The following GFRA1 variants were observed in gnomAD, a reference collection of about 807,000 sequenced individuals.
GFRA1 encodes the protein GDNF family receptor alpha 1.
GFRA1 carries 16 observed loss-of-function variants against 51.6 expected under a neutral mutation model. The ratio of observed to expected loss-of-function variants is 0.31; its 90% CI spans 0.21 to 0.47. The LOEUF is 0.47. Ranked by LOEUF, GFRA1 falls within the 20% of genes least tolerant of loss-of-function variation. The pLI is 1.00. For missense variants in GFRA1, 530 were observed against 594.3 expected, an observed-to-expected ratio of 0.89 and a Z score of 1.13; for synonymous variants, 270 against 241.3, an observed-to-expected ratio of 1.12 and a Z score of -1.10.
intron 5 of GFRA1, among the ~76,000 whole-genome samples, chr10:116,196,753 TTATA>T (rs1963899563): frequency 1.2e-5 from 1 of 84,742 alleles, no homozygotes; most frequent in African/African-American, 3.9e-5. Flanking sequence ...ATAATATATA[TTATA>T]TATTATATAT....
chr10:116,274,153 T>A (rs958539442), upstream of GFRA1, among the ~76,000 whole-genome samples: 1 of 151,722 alleles, frequency 6.6e-6, no homozygotes, highest in Non-Finnish European at 1.5e-5. Flanking sequence ...TTCCCAGTCG[T>A]GCTGCTCACC....
At chr10:116,143,524 C>T (rs906693478) in intron 5 of GFRA1, among the ~76,000 whole-genome samples, 7 of 152,138 alleles carry the variant, frequency 4.6e-5, no homozygotes, top group Non-Finnish European at 7.4e-5. Context: ...AGCCAAATTT[C>T]TGAAAGGGTC....
chr10:116,269,695 C>T, intron 3 of GFRA1, 109 bp from the exon 4 acceptor site: 9 of 734,262 alleles, frequency 1.2e-5, no homozygotes, highest in Non-Finnish European at 2.2e-5. Flanking sequence ...AACAAAAAGA[C>T]GCTGAAACTT....
chr10:116,216,828 A>G (rs1017293272), intron 4 of GFRA1, among the ~76,000 whole-genome samples: 2 of 152,198 alleles, frequency 1.3e-5, no homozygotes, highest in African/African-American at 4.8e-5. Flanking sequence ...CTAACTAACC[A>G]GGGACAAGGA....
At chr10:116,079,076 G>C (rs927938476) in intron 9 of GFRA1, among the ~76,000 whole-genome samples, 2 of 151,964 alleles carry the variant, frequency 1.3e-5, no homozygotes, top group Non-Finnish European at 2.9e-5. Context: ...ATCATCCAGC[G>C]CGCTGGATGC....
At chr10:116,224,896 G>T (rs531195323) in intron 4 of GFRA1, among the ~76,000 whole-genome samples, 1 of 152,288 alleles carries the variant, frequency 6.6e-6, no homozygotes, top group African/African-American at 2.4e-5. Flanking sequence ...GCCTCTCTGA[G>T]CCACAGCTAG....
chr10:116,089,706 G>T (rs1565566259), intron 9 of GFRA1, 35 bp downstream of exon 9: 2 of 1,583,596 alleles, frequency 1.3e-6, no homozygotes, highest in East Asian at 2.2e-5. Flanking sequence ...CACCAGGAAG[G>T]GAGCCCCAGC....
rs1377872545 is a variant in GFRA1, at chr10:116,196,605, ATAGTACT to A, written c.433+15019_433+15025del. Among the ~76,000 whole-genome samples the A allele has an allele frequency of 1.2e-3, 93 of 78,122 alleles. 4 individuals carry two copies. The highest frequency in any genetic ancestry group is 5.6e-3 in the Middle Eastern group (1 of 178). The allele number at this position is 78,122 out of a possible 152,430, so 51.3% of individuals were successfully genotyped here. On this transcript the variant is annotated intron_variant, in intron 5 of 10. Coordinates refer to ENST00000355422, the MANE Select transcript of GFRA1 (RefSeq NM_005264.8). ...ATATAGTACTATATATAATATATAT[ATAGTACT>A]ATATATAATATATATAATATATAGT...
intron 5 of GFRA1, among the ~76,000 whole-genome samples, chr10:116,181,026 TC>T (rs1962165007): frequency 6.6e-6 from 1 of 152,196 alleles, no homozygotes; most frequent in African/African-American, 2.4e-5. Flanking sequence ...ACAATGTTGT[TC>T]CTGGTAGAGA....
rs373298903 is a variant in GFRA1, at chr10:116,064,428, G to A, written c.1368C>T (p.Ser456=). The A allele has an allele frequency of 9.9e-6, 16 of 1,612,508 alleles. No homozygotes were observed. Among genetic ancestry groups the A allele is most frequent in the Non-Finnish European group, 1.4e-5 (16 of 1,179,692 alleles). ...ATGTTTCTGTTAAAGATAATAGGGT[G>A]GACAGAGCGGTTACCACCAGGACCA... ...PLLVLVVTAL[S]TLLSLTETS The change falls in exon 11 of 11, where the codon TCC becomes TCT. Residue 456 remains serine, a synonymous_variant. Transcript: ENST00000355422.
intron 6 of GFRA1, among the ~76,000 whole-genome samples, chr10:116,110,544 C>G (rs192929641): frequency 8.5e-5 from 13 of 152,280 alleles, no homozygotes; most frequent in Middle Eastern, 3.4e-3. Context: ...TTCTCTAAGC[C>G]TAGGAATACT....
chr10:116,084,848 C>G (rs888136317), intron 9 of GFRA1, among the ~76,000 whole-genome samples: 1 of 151,392 alleles, frequency 6.6e-6, no homozygotes, highest in Non-Finnish European at 1.5e-5. Flanking sequence ...CTTTTTCCAG[C>G]TACCAGACCA....
In GFRA1 at chr10:116,064,037, AATCATCATCATGATCATGATGATC is replaced by A. The variant is rs578018975; in HGVS notation, c.*337_*360del. ...GAAAGGCCAGAAGTAAAACTGTTAAAATCATCATCATGATCATGATGATCATCATCATGATCATGATGATCATCA... is the reference window on the plus strand; with the variant it reads ...GAAAGGCCAGAAGTAAAACTGTTAAAATCATCATGATCATGATGATCATCA... On this transcript the variant is annotated 3_prime_UTR_variant, in exon 11 of 11. Transcript: ENST00000355422. 6,088 of 207,146 alleles carry A rather than the reference AATCATCATCATGATCATGATGATC, an allele frequency of 0.029. 428 individuals are homozygous for A. Among genetic ancestry groups the A allele is most frequent in the African/African-American group, 0.13 (5,634 of 42,076 alleles). 12.8% of individuals were successfully genotyped at this position (207,146 alleles called of 1,614,324 possible). A position where few individuals can be genotyped will look rare whatever the true frequency, so the allele number is the denominator to read the frequency against.
intron 8 of GFRA1, among the ~76,000 whole-genome samples, chr10:116,093,060 A>G (rs1295955546): frequency 1.3e-5 from 2 of 152,102 alleles, no homozygotes; most frequent in Non-Finnish European, 2.9e-5. Flanking sequence ...GTAAGAACGG[A>G]TTCTGCTTTC....
At position 116,093,765 on chromosome 10, in the gene GFRA1, T is replaced by A; in HGVS notation, c.952A>T (p.Ser318Cys). 1 of 1,613,660 alleles carries A rather than the reference T, an allele frequency of 6.2e-7. No homozygotes were observed. The highest frequency in any genetic ancestry group is 8.5e-7 in the Non-Finnish European group (1 of 1,179,512). Residue 318 changes from serine (S) to cysteine (C), a missense_variant, in exon 8 of 11, where the codon AGT becomes TGT. Transcript: ENST00000355422. ...SVAPWCDCSN[S>C]GNDLEECLKF... The stretch of plus-strand genomic sequence containing the variant: ...AAGCACTCTTCTAGGTCGTTCCCAC[T>A]GTTGCTGCAGTCACACCATGGGGCC...
At chr10:116,070,354 C>G (rs145634320) in intron 9 of GFRA1, among the ~76,000 whole-genome samples, 1 of 152,230 alleles carries the variant, frequency 6.6e-6, no homozygotes, top group Non-Finnish European at 1.5e-5. Context: ...GCATACAAGT[C>G]TCTTCTGCAG....
intron 5 of GFRA1, among the ~76,000 whole-genome samples, chr10:116,144,428 T>C (rs1958705757): frequency 6.6e-6 from 1 of 152,068 alleles, no homozygotes; most frequent in Admixed American, 6.6e-5. Context: ...ATATGGGATA[T>C]AAATGCTGTG....
At chr10:116,121,340 A>G (rs1957633893) in intron 6 of GFRA1, among the ~76,000 whole-genome samples, 1 of 152,134 alleles carries the variant, frequency 6.6e-6, no homozygotes, top group African/African-American at 2.4e-5. Context: ...CACCCTTCTA[A>G]TAATACCTCT....
At chr10:116,106,581 C>G (rs531529354) in intron 6 of GFRA1, among the ~76,000 whole-genome samples, 3 of 149,178 alleles carry the variant, frequency 2.0e-5, no homozygotes, top group Non-Finnish European at 4.4e-5. Flanking sequence ...TCTTGGGTAG[C>G]GAGTAGGTTC....
Sources: allele counts gnomAD v4.1 joint callset (sites outside exome capture counted in the v4.1 genomes callset), GRCh38; gene constraint gnomAD v4.1.1; transcripts MANE v1.5; gene names NCBI Gene and HGNC (gene_info 2026-07-23, HGNC 2026-07-21).